Variants in BAZ1A observed in about 807,000 individuals in gnomAD.
BAZ1A encodes bromodomain adjacent to zinc finger domain protein 1A.
A neutral mutation model predicts 185.2 loss-of-function variants in BAZ1A; 50 were observed. That is an observed-to-expected ratio of 0.27 (90% CI 0.22 to 0.34). The LOEUF (loss-of-function observed/expected upper bound fraction) is 0.34, where lower values mean the gene tolerates loss of function less well. Ranked by LOEUF, BAZ1A falls within the 10% of genes least tolerant of loss-of-function variation. The probability of loss-of-function intolerance (pLI) is 1.00; values close to 1 mark genes in which losing one functional copy is unlikely to be tolerated. For synonymous variants in BAZ1A, 571 were observed against 615.6 expected (o/e 0.93, Z 1.07); for missense variants, 1,356 against 1,839.9 (o/e 0.74, Z 4.81).
intron 24 of BAZ1A, among the ~76,000 whole-genome samples, chr14:34,759,383 C>G (rs913533277): frequency 2.0e-5 from 3 of 151,854 alleles, no homozygotes; most frequent in African/African-American, 7.3e-5. Context: ...CAGGGTTTCA[C>G]CGTGTTAGCT....
intron 3 of BAZ1A, among the ~76,000 whole-genome samples, chr14:34,854,634 T>TTATATCAGTAGATGGGAGGCAAGA (rs2042646893): frequency 6.6e-6 from 1 of 152,180 alleles, no homozygotes; most frequent in African/African-American, 2.4e-5. Context: ...TACATACATA[T>TTATATCAGTAGATGGGAGGCAAGA]ACATTTTCAT....
rs1158606061 is a variant in BAZ1A, at chr14:34,756,466, A to ATTT, written c.4387-1555_4387-1553dup. ...CACACTGCACCCAGCCAGAATACCTATTTTTTTTTTTTTTTTTTTTTTTTT... is the reference window on the plus strand; with the variant it reads ...CACACTGCACCCAGCCAGAATACCTATTTTTTTTTTTTTTTTTTTTTTTTTTTT... On this transcript the variant is annotated intron_variant, in intron 25 of 26. Coordinates refer to ENST00000360310, the MANE Select transcript of BAZ1A (RefSeq NM_013448.3). Among the ~76,000 whole-genome samples, 210 of 78,974 alleles carry ATTT rather than the reference A, an allele frequency of 2.7e-3. 10 individuals are homozygous for ATTT. The highest frequency in any genetic ancestry group is 5.3e-3 in the African/African-American group (97 of 18,170). The allele number at this position is 78,974 out of a possible 152,430, so 51.8% of individuals were successfully genotyped here.
At chr14:34,781,544 A>G (rs1486601993) in intron 16 of BAZ1A, among the ~76,000 whole-genome samples, 1 of 131,856 alleles carries the variant, frequency 7.6e-6, no homozygotes, top group Non-Finnish European at 1.6e-5. Context: ...TTTTTTTTTG[A>G]GACAGAATCT....
At chr14:34,839,839 CAAAAAA>C (rs60954768) in intron 3 of BAZ1A, among the ~76,000 whole-genome samples, 1 of 106,678 alleles carries the variant, frequency 9.4e-6, no homozygotes, top group Non-Finnish European at 1.9e-5. Flanking sequence ...GCCTCTGTTT[CAAAAAA>C]AAAAAAAAAA....
chr14:34,829,267 GAA>G (rs60176426), intron 3 of BAZ1A, among the ~76,000 whole-genome samples: 128 of 86,450 alleles, frequency 1.5e-3, no homozygotes, highest in African/African-American at 5.5e-3. Context: ...CTCTGTCTCT[GAA>G]AAAAAAAAAA....
chr14:34,803,719 C>T (rs72678745), intron 6 of BAZ1A, among the ~76,000 whole-genome samples: 3,306 of 152,210 alleles, frequency 0.022, 53 homozygotes, highest in Middle Eastern at 0.058. Flanking sequence ...ATAAATTTTT[C>T]TTAACCATTT....
At chr14:34,847,120 G>A (rs375616990) in intron 3 of BAZ1A, among the ~76,000 whole-genome samples, 3 of 151,716 alleles carry the variant, frequency 2.0e-5, no homozygotes, top group South Asian at 4.2e-4. Flanking sequence ...ACACGGTGGC[G>A]CATGCCTGTA....
Position 34,846,527 on chromosome 14 carries a change from C to G in BAZ1A, c.392+15517G>C, listed in dbSNP as rs1594898303. Among the ~76,000 whole-genome samples, 4 of 152,134 alleles carry G rather than the reference C, an allele frequency of 2.6e-5. No individual in the cohort carries two copies. The East Asian group carries it at 7.7e-4, about 29-fold the overall frequency. Reference sequence around the variant, plus strand: ...TTGTGAAGCATAAAGCAGTTGAGTCCATGCAGAAACATTTACAACATAGCT... The same window carrying G: ...TTGTGAAGCATAAAGCAGTTGAGTCGATGCAGAAACATTTACAACATAGCT... On this transcript the variant is annotated intron_variant, in intron 3 of 26. Coordinates refer to ENST00000360310, the MANE Select transcript of BAZ1A (RefSeq NM_013448.3).
At chr14:34,836,327 C>T (rs1347054999) in intron 3 of BAZ1A, among the ~76,000 whole-genome samples, 1 of 23,674 alleles carries the variant, frequency 4.2e-5, no homozygotes, top group Non-Finnish European at 9.7e-5. Context: ...TGCAGTGAGC[C>T]GAGATCGCGC....
At position 34,776,185 on chromosome 14, in the gene BAZ1A, G is replaced by A. The variant is rs761654311; in HGVS notation, c.2567C>T (p.Ser856Phe). The change falls in exon 18 of 27, where the codon TCC becomes TTC. Residue 856 changes from serine to phenylalanine, a missense_variant. By Grantham distance (155) the Ser-to-Phe change is radical. This residue lies in a region of BAZ1A where 434 missense variants were observed against 561.7 expected (regional missense o/e 0.77). Coordinates refer to ENST00000360310, the MANE Select transcript of BAZ1A (RefSeq NM_013448.3). Reference protein sequence around the residue: ...NNVQSQDPQVSTKTGEPLMSE... With the variant: ...NNVQSQDPQVFTKTGEPLMSE... ...CATCAAAGGCTCTCCAGTTTTAGTG[G>A]ATACCTGAGGATCTTGAGACTGTAC... 4 of 1,614,182 alleles carry A rather than the reference G, an allele frequency of 2.5e-6. No individual in the cohort carries two copies. Among genetic ancestry groups the A allele is most frequent in the South Asian group, 2.2e-5 (2 of 91,086 alleles).
chr14:34,768,210 TCA>T (rs1878977530), intron 21 of BAZ1A, among the ~76,000 whole-genome samples: 1 of 152,168 alleles, frequency 6.6e-6, no homozygotes, highest in Admixed American at 6.5e-5. Context: ...ATACTGGCAG[TCA>T]CATAATCAAA....
At chr14:34,772,418 C>CA (rs1399588228) in intron 20 of BAZ1A, among the ~76,000 whole-genome samples, 2 of 152,096 alleles carry the variant, frequency 1.3e-5, no homozygotes. Flanking sequence ...GTAGCCCGCC[C>CA]ATGTACTTCA....
intron 21 of BAZ1A, among the ~76,000 whole-genome samples, chr14:34,770,388 G>T (rs934756014): frequency 6.6e-6 from 1 of 152,120 alleles, no homozygotes; most frequent in African/African-American, 2.4e-5. Flanking sequence ...CCTGACCTCA[G>T]GTGATCCAAC....
Position 34,753,488 on chromosome 14 carries a change from T to C in BAZ1A, c.*20A>G. On this transcript the variant is annotated 3_prime_UTR_variant, in exon 27 of 27. Transcript: ENST00000360310. ...TGAACAATTTGTTTTTCTTCAAATATATCCTTTAGAAGGACAAAGTCAGAT... is the reference window on the plus strand; with the variant it reads ...TGAACAATTTGTTTTTCTTCAAATACATCCTTTAGAAGGACAAAGTCAGAT... The C allele has an allele frequency of 6.2e-7, 1 of 1,612,818 alleles. No individual in the cohort carries two copies. The highest frequency in any genetic ancestry group is 8.5e-7 in the Non-Finnish European group (1 of 1,178,944).
Position 34,875,122 on chromosome 14 carries a change from C to T in BAZ1A, c.-59+16G>A. ...ACTTCCCCGCCGGCGCCGGCCGGCTCCCGAGCGACCCTCACCTGCGATCAC... is the reference window on the plus strand; with the variant it reads ...ACTTCCCCGCCGGCGCCGGCCGGCTTCCGAGCGACCCTCACCTGCGATCAC... On this transcript the variant is annotated intron_variant, in intron 1 of 26. Coordinates refer to ENST00000360310, the MANE Select transcript of BAZ1A (RefSeq NM_013448.3). The T allele has an allele frequency of 2.7e-6, 1 of 369,368 alleles. No individual in the cohort carries two copies. The highest frequency in any genetic ancestry group is 5.4e-6 in the Non-Finnish European group (1 of 185,012). The allele number at this position is 369,368 out of a possible 1,614,324, so 22.9% of individuals were successfully genotyped here. A position where few individuals can be genotyped will look rare whatever the true frequency, so the allele number is the denominator to read the frequency against.
chr14:34,844,428 T>C (rs1228303248), intron 3 of BAZ1A, among the ~76,000 whole-genome samples: 2 of 151,924 alleles, frequency 1.3e-5, no homozygotes, highest in Non-Finnish European at 2.9e-5. Flanking sequence ...GTTAATATTG[T>C]TAAAATGTCC....
intron 4 of BAZ1A, among the ~76,000 whole-genome samples, chr14:34,815,627 T>G (rs1441208842): frequency 2.0e-5 from 3 of 152,248 alleles, no homozygotes; most frequent in Non-Finnish European, 4.4e-5. Flanking sequence ...TAGTTATATA[T>G]GTAAATTTTA....
chr14:34,860,569 AG>A (rs1481224375), intron 3 of BAZ1A, among the ~76,000 whole-genome samples: 3 of 150,802 alleles, frequency 2.0e-5, no homozygotes, highest in Non-Finnish European at 4.4e-5. Flanking sequence ...ACCCAGAGCC[AG>A]ACTTTGTCTC....
chr14:34,774,347 C>T lies in BAZ1A; in HGVS notation c.2977G>A (p.Gly993Arg). 1 of 1,611,628 alleles carries T rather than the reference C, an allele frequency of 6.2e-7. No homozygotes were observed. Among genetic ancestry groups the T allele is most frequent in the East Asian group, 2.2e-5 (1 of 44,804 alleles). The change falls in exon 19 of 27, where the codon GGA (glycine) becomes AGA (arginine). Residue 993 changes from glycine (G) to arginine (R), a missense_variant. By Grantham distance (125) the Gly-to-Arg change is moderately radical. Transcript: ENST00000360310. Reference protein sequence around the residue: ...LLDIEDRIYQGTLGAIKVTDR... With the variant: ...LLDIEDRIYQRTLGAIKVTDR... The stretch of plus-strand genomic sequence containing the variant: ...CAAACCTTGATGGCTCCTAATGTTC[C>T]TTGGTAGATTCTATCTTCAATATCT...
Sources: gnomAD v4.1 joint callset for allele counts (sites outside exome capture counted in the v4.1 genomes callset) on GRCh38, gnomAD v4.1.1 for gene constraint, gnomAD v4.1.1 regional missense constraint, MANE v1.5 for transcripts, NCBI Gene and HGNC (gene_info 2026-07-23, HGNC 2026-07-21) for gene names.